Variants in ZSWIM5 observed in about 807,000 individuals in gnomAD.
ZSWIM5 encodes the protein zinc finger SWIM-type containing 5, also known as zinc finger SWIM domain-containing protein 5.
In ZSWIM5, 55 loss-of-function variants were observed where a neutral mutation model predicts 119.6. The observed-to-expected ratio is 0.46, with a 90% CI of 0.37 to 0.58. The LOEUF is 0.58. Ranked by LOEUF, ZSWIM5 falls within the 20% of genes least tolerant of loss-of-function variation. The pLI is 0.00. For synonymous variants in ZSWIM5, 537 were observed against 606.9 expected (o/e 0.88, Z 1.69); for missense variants, 1,193 against 1,512.8 (o/e 0.79, Z 3.51).
At chr1:45,119,733 C>T (rs1409508581) in intron 1 of ZSWIM5, among the ~76,000 whole-genome samples, 2 of 152,126 alleles carry the variant, frequency 1.3e-5, no homozygotes. Context: ...GGAGTTTTGT[C>T]TTATGATTAT....
intron 1 of ZSWIM5, among the ~76,000 whole-genome samples, chr1:45,146,012 G>A (rs954686853): frequency 5.3e-5 from 8 of 152,152 alleles, no homozygotes; most frequent in African/African-American, 1.9e-4. Context: ...GAAAAGGACT[G>A]AGAAGTGACA....
intron 1 of ZSWIM5, among the ~76,000 whole-genome samples, chr1:45,201,913 C>A (rs901326417): frequency 6.6e-6 from 1 of 152,074 alleles, no homozygotes; most frequent in African/African-American, 2.4e-5. Context: ...TCAGGTCTCT[C>A]TCTGTTTTAC....
chr1:45,160,989 A>ATTTTTTTTTTTT lies in ZSWIM5; in HGVS notation c.595+44755_595+44766dup, dbSNP rs534599856. Among the ~76,000 whole-genome samples the ATTTTTTTTTTTT allele has an allele frequency of 7.8e-3, 951 of 122,466 alleles. 40 individuals carry two copies. The highest frequency in any genetic ancestry group is 0.028 in the African/African-American group (908 of 32,938). The allele number at this position is 122,466 out of a possible 152,430, so 80.3% of individuals were successfully genotyped here. A position where few individuals can be genotyped will look rare whatever the true frequency, so the allele number is the denominator to read the frequency against. On this transcript the variant is annotated intron_variant, in intron 1 of 13. Transcript: ENST00000359600. Reference sequence around the variant, plus strand: ...AGCGCCTGCCACCATGCCCGGCTAAATTTTTTTTTTTTTTTTTAGTAGAGA... The same window carrying ATTTTTTTTTTTT: ...AGCGCCTGCCACCATGCCCGGCTAAATTTTTTTTTTTTTTTTTTTTTTTTTTTTTAGTAGAGA...
At chr1:45,049,412 A>G (rs945411914) in intron 5 of ZSWIM5, among the ~76,000 whole-genome samples, 5 of 152,350 alleles carry the variant, frequency 3.3e-5, no homozygotes, top group Non-Finnish European at 5.9e-5. Context: ...AGAGGTATCA[A>G]TCACATCCTG....
intron 4 of ZSWIM5, among the ~76,000 whole-genome samples, chr1:45,054,899 C>T (rs899910079): frequency 6.6e-6 from 1 of 152,300 alleles, no homozygotes; most frequent in African/African-American, 2.4e-5. Context: ...GATCTCAGCT[C>T]ACTGCAATGT....
intron 2 of ZSWIM5, among the ~76,000 whole-genome samples, chr1:45,061,561 G>A (rs1182358875): frequency 6.6e-6 from 1 of 151,438 alleles, no homozygotes; most frequent in Non-Finnish European, 1.5e-5. Context: ...GGCAGAGATG[G>A]GGCATCGCCA....
At position 45,044,731 on chromosome 1, in the gene ZSWIM5, A is replaced by AG. The variant is rs1557746299; in HGVS notation, c.1433-1337_1433-1336insC. Among the ~76,000 whole-genome samples the AG allele has an allele frequency of 3.7e-3, 24 of 6,570 alleles. 3 individuals are homozygous for AG. Among genetic ancestry groups the AG allele is most frequent in the African/African-American group, 6.3e-3 (23 of 3,634 alleles). 4.3% of individuals were successfully genotyped at this position (6,570 alleles called of 152,430 possible). Reference sequence around the variant, plus strand: ...AGAGCCAGACTCCGTCTCAAAAAAAAAAAAAAAAAAAAAAAATATATATAT... The same window carrying AG: ...AGAGCCAGACTCCGTCTCAAAAAAAAGAAAAAAAAAAAAAAAATATATATAT... On this transcript the variant is annotated intron_variant, in intron 5 of 13. Transcript: ENST00000359600.
intron 4 of ZSWIM5, among the ~76,000 whole-genome samples, chr1:45,056,081 TGA>T (rs1557750777): frequency 1.3e-5 from 2 of 152,188 alleles, no homozygotes; most frequent in African/African-American, 2.4e-5. Context: ...AAATTATTTG[TGA>T]TTTCGACAAC....
chr1:45,083,499 C>T (rs1278266712), intron 2 of ZSWIM5, among the ~76,000 whole-genome samples: 2 of 152,142 alleles, frequency 1.3e-5, no homozygotes, highest in African/African-American at 4.8e-5. Flanking sequence ...ATCCTCTTGC[C>T]TTGACCTCCC....
intron 1 of ZSWIM5, among the ~76,000 whole-genome samples, chr1:45,169,500 C>A (rs756177195): frequency 2.0e-5 from 3 of 151,916 alleles, no homozygotes; most frequent in Non-Finnish European, 4.4e-5. Flanking sequence ...GAATATGAAT[C>A]CTAACCTCTC....
In ZSWIM5 at chr1:45,206,410, C is replaced by G; in HGVS notation, c.-60G>C. The G allele has an allele frequency of 1.5e-6, 2 of 1,297,872 alleles. No individual in the cohort carries two copies. The highest frequency in any genetic ancestry group is 2.0e-6 in the Non-Finnish European group (2 of 1,024,876). 80.4% of individuals were successfully genotyped at this position (1,297,872 alleles called of 1,614,324 possible). A position where few individuals can be genotyped will look rare whatever the true frequency, so the allele number is the denominator to read the frequency against. ...GGCTGCTCGGGCTGCGGCGGAGACC[C>G]TGGCCACGGCCACGCGCCCCGCGCA... On this transcript the variant is annotated 5_prime_UTR_variant, in exon 1 of 14. Coordinates refer to ENST00000359600, the MANE Select transcript of ZSWIM5 (RefSeq NM_020883.2).
At chr1:45,162,110 C>T (rs1645867216) in intron 1 of ZSWIM5, among the ~76,000 whole-genome samples, 1 of 152,224 alleles carries the variant, frequency 6.6e-6, no homozygotes, top group Non-Finnish European at 1.5e-5. Flanking sequence ...CAAGCCATGT[C>T]ACCATACTTG....
chr1:45,060,244 G>T lies in ZSWIM5; in HGVS notation c.956C>A (p.Ala319Asp), dbSNP rs779712761. Residue 319 changes from alanine (A) to aspartate (D), a missense_variant, in exon 3 of 14, where the codon GCC becomes GAC. Coordinates refer to ENST00000359600, the MANE Select transcript of ZSWIM5 (RefSeq NM_020883.2). Reference sequence around the variant, plus strand: ...GCTGGCCCCAGCTGTGGGGTCAGGGGCACCTATGAAGAATGAGAACAGTGA... The same window carrying T: ...GCTGGCCCCAGCTGTGGGGTCAGGGTCACCTATGAAGAATGAGAACAGTGA... Reference protein sequence around the residue: ...SNSEINQVNGAPDPTAGASID... With the variant: ...SNSEINQVNGDPDPTAGASID... 6.2e-7 allele frequency: 1 copy of T among 1,613,526 alleles called. No homozygotes were observed. The highest frequency in any genetic ancestry group is 8.5e-7 in the Non-Finnish European group (1 of 1,179,918).
chr1:45,092,848 A>C (rs1645376414), intron 1 of ZSWIM5, among the ~76,000 whole-genome samples: 1 of 152,240 alleles, frequency 6.6e-6, no homozygotes, highest in Non-Finnish European at 1.5e-5. Context: ...AGTCTGCAGC[A>C]CCGGGGCCTG....
intron 1 of ZSWIM5, among the ~76,000 whole-genome samples, chr1:45,163,141 C>T (rs534651150): frequency 7.2e-5 from 11 of 152,324 alleles, no homozygotes; most frequent in Non-Finnish European, 1.5e-4. Context: ...GAGGATCAGG[C>T]AGCAACATTT....
At chr1:45,022,712 T>C (rs1644895555) in intron 11 of ZSWIM5, among the ~76,000 whole-genome samples, 1 of 152,228 alleles carries the variant, frequency 6.6e-6, no homozygotes, top group African/African-American at 2.4e-5. Context: ...TGTGGTATAT[T>C]TGGTAAACCA....
chr1:45,047,221 C>T (rs764352058), intron 5 of ZSWIM5, among the ~76,000 whole-genome samples: 4 of 151,778 alleles, frequency 2.6e-5, no homozygotes, highest in Admixed American at 6.6e-5. Flanking sequence ...TCAAATACTG[C>T]GGATAGGTCA....
At chr1:45,027,038 T>C (rs373096134) in intron 11 of ZSWIM5, among the ~76,000 whole-genome samples, 2 of 152,098 alleles carry the variant, frequency 1.3e-5, no homozygotes, top group East Asian at 1.9e-4. Context: ...ATCCTTTTAA[T>C]GTTCATGGGG....
chr1:45,114,269 T>C (rs1000035603), intron 1 of ZSWIM5, among the ~76,000 whole-genome samples: 1 of 152,164 alleles, frequency 6.6e-6, no homozygotes, highest in African/African-American at 2.4e-5. Context: ...AGTAACTAGT[T>C]TGCCTGGTAC....
Sources: gnomAD v4.1 joint callset for allele counts (sites outside exome capture counted in the v4.1 genomes callset) on GRCh38, gnomAD v4.1.1 for gene constraint, MANE v1.5 for transcripts, NCBI Gene and HGNC (gene_info 2026-07-23, HGNC 2026-07-21) for gene names.